TAFA1: variants seen among roughly 807,000 people sequenced by gnomAD.
TAFA1 encodes TAFA chemokine like family member 1, also known as chemokine-like protein TAFA-1.
In TAFA1, 4 loss-of-function variants were observed where a neutral mutation model predicts 18.5. The observed-to-expected ratio is 0.22, with a 90% confidence interval of 0.11 to 0.49. The LOEUF is 0.49. Among genes scored for constraint, TAFA1 ranks in the 20% least tolerant of loss-of-function variants. TAFA1 has a pLI of 0.98. For missense variants in TAFA1, 147 were observed against 169.0 expected, an observed-to-expected ratio of 0.87 and a Z score of 0.72; for synonymous variants, 56 against 55.2, an observed-to-expected ratio of 1.01 and a Z score of -0.06.
At chr3:68,351,864 T>A (rs562529915) in intron 2 of TAFA1, among the ~76,000 whole-genome samples, 1 of 152,114 alleles carries the variant, frequency 6.6e-6, no homozygotes, top group South Asian at 2.1e-4. Context: ...GTCTTGTTTT[T>A]AGGCAAGCAG....
chr3:68,070,622 T>C (rs1158852303), intron 2 of TAFA1, among the ~76,000 whole-genome samples: 2 of 152,258 alleles, frequency 1.3e-5, no homozygotes, highest in African/African-American at 4.8e-5. Flanking sequence ...TTCTTTTCTA[T>C]TGCATTGTCA....
chr3:68,490,804 G>C (rs2072436889), intron 3 of TAFA1, among the ~76,000 whole-genome samples: 1 of 150,702 alleles, frequency 6.6e-6, no homozygotes, highest in Non-Finnish European at 1.5e-5. Flanking sequence ...GATGAACAAA[G>C]TTATTTAGAA....
At chr3:68,311,521 C>A (rs1039120335) in intron 2 of TAFA1, among the ~76,000 whole-genome samples, 1 of 152,098 alleles carries the variant, frequency 6.6e-6, no homozygotes, top group Non-Finnish European at 1.5e-5. Context: ...GAGAAATTGG[C>A]CAAAACAAAG....
At chr3:68,126,206 A>G (rs1028055651) in intron 2 of TAFA1, among the ~76,000 whole-genome samples, 2 of 152,118 alleles carry the variant, frequency 1.3e-5, no homozygotes, top group African/African-American at 4.8e-5. Context: ...TGTAAACTCC[A>G]TTTGTCCTGT....
chr3:68,373,742 G>C (rs1365239251), intron 2 of TAFA1, among the ~76,000 whole-genome samples: 1 of 152,160 alleles, frequency 6.6e-6, no homozygotes, highest in Non-Finnish European at 1.5e-5. Flanking sequence ...CCATCTGGAA[G>C]ACCAGATACG....
chr3:68,084,645 A>G (rs898669482), intron 2 of TAFA1, among the ~76,000 whole-genome samples: 1 of 152,124 alleles, frequency 6.6e-6, no homozygotes, highest in African/African-American at 2.4e-5. Flanking sequence ...TAAAACATAC[A>G]AAATTAGCTG....
intron 2 of TAFA1, among the ~76,000 whole-genome samples, chr3:68,409,275 G>A (rs1355443751): frequency 6.6e-6 from 1 of 152,130 alleles, no homozygotes; most frequent in Non-Finnish European, 1.5e-5. Flanking sequence ...GTTTGGCTAT[G>A]CTTGTTCTTG....
intron 2 of TAFA1, among the ~76,000 whole-genome samples, chr3:68,135,872 G>A (rs1171769391): frequency 6.6e-6 from 1 of 152,154 alleles, no homozygotes; most frequent in African/African-American, 2.4e-5. Flanking sequence ...TATTTGGGGG[G>A]AGGTGAATCT....
intron 2 of TAFA1, among the ~76,000 whole-genome samples, chr3:68,052,688 T>G (rs2106706143): frequency 6.6e-6 from 1 of 152,342 alleles, no homozygotes; most frequent in East Asian, 1.9e-4. Context: ...AGCAAATATT[T>G]ATTGTTTCCA....
intron 2 of TAFA1, among the ~76,000 whole-genome samples, chr3:68,072,077 T>A (rs982298989): frequency 3.9e-5 from 6 of 152,220 alleles, no homozygotes; most frequent in Admixed American, 2.0e-4. Flanking sequence ...AATAGACCAA[T>A]GCCTGTAATT....
chr3:68,324,921 A>G (rs1249242836), intron 2 of TAFA1, among the ~76,000 whole-genome samples: 1 of 152,156 alleles, frequency 6.6e-6, no homozygotes, highest in Non-Finnish European at 1.5e-5. Context: ...CTATGCTCAG[A>G]CGTGGTTAGA....
intron 2 of TAFA1, among the ~76,000 whole-genome samples, chr3:68,046,057 A>G (rs1047846709): frequency 6.6e-6 from 1 of 152,156 alleles, no homozygotes; most frequent in Non-Finnish European, 1.5e-5. Flanking sequence ...TTAGATTTAC[A>G]GTAATTCCTT....
chr3:68,152,095 T>C (rs934965679), intron 2 of TAFA1, among the ~76,000 whole-genome samples: 1 of 152,126 alleles, frequency 6.6e-6, no homozygotes, highest in Non-Finnish European at 1.5e-5. Flanking sequence ...ATTAAGAAAT[T>C]TGCCCAAAGA....
At chr3:68,037,037 A>G (rs912280213) in intron 2 of TAFA1, among the ~76,000 whole-genome samples, 1 of 152,178 alleles carries the variant, frequency 6.6e-6, no homozygotes, top group Non-Finnish European at 1.5e-5. Flanking sequence ...CTATGTCACG[A>G]TAATTGCAGC....
At chr3:68,440,437 A>AT (rs1481546821) in intron 3 of TAFA1, among the ~76,000 whole-genome samples, 4 of 152,188 alleles carry the variant, frequency 2.6e-5, no homozygotes, top group East Asian at 1.9e-4. Context: ...CAAAATGAAG[A>AT]TTTTTTATAG....
intron 2 of TAFA1, among the ~76,000 whole-genome samples, chr3:68,263,988 G>A (rs770781276): frequency 2.0e-5 from 3 of 151,652 alleles, no homozygotes; most frequent in African/African-American, 7.3e-5. Flanking sequence ...TACTCATTTC[G>A]GTCAAAATAA....
intron 3 of TAFA1, among the ~76,000 whole-genome samples, chr3:68,443,473 C>CAAA (rs56944130): frequency 2.4e-4 from 23 of 96,084 alleles, no homozygotes; most frequent in African/African-American, 4.6e-4. Flanking sequence ...GGGCAATTTA[C>CAAA]AAAAAAAAAA....
chr3:68,050,754 T>C (rs2064460600), intron 2 of TAFA1, among the ~76,000 whole-genome samples: 1 of 152,146 alleles, frequency 6.6e-6, no homozygotes, highest in Admixed American at 6.6e-5. Context: ...GTCCAGAGAA[T>C]AATTATATGT....
At chr3:68,171,593 C>T (rs1032104761) in intron 2 of TAFA1, among the ~76,000 whole-genome samples, 7 of 152,096 alleles carry the variant, frequency 4.6e-5, no homozygotes, top group African/African-American at 1.7e-4. Flanking sequence ...AGAAGCCAAT[C>T]AATAGAAGCT....
Sources: gnomAD v4.1 joint callset for allele counts (sites outside exome capture counted in the v4.1 genomes callset) on GRCh38, gnomAD v4.1.1 for gene constraint, MANE v1.5 for transcripts, NCBI Gene and HGNC (gene_info 2026-07-23, HGNC 2026-07-21) for gene names.